DIAPH2: variants seen among roughly 807,000 people sequenced by gnomAD.
DIAPH2 encodes diaphanous related formin 2.
DIAPH2 carries 35 observed loss-of-function variants against 92.7 expected under a neutral mutation model. That is an observed-to-expected ratio of 0.38 (90% CI 0.29 to 0.50). The LOEUF (loss-of-function observed/expected upper bound fraction) is 0.50, where lower values mean the gene tolerates loss of function less well. Among genes scored for constraint, DIAPH2 ranks in the 20% least tolerant of loss-of-function variants. The probability of loss-of-function intolerance (pLI) is 0.94; values close to 1 mark genes in which losing one functional copy is unlikely to be tolerated. For missense variants in DIAPH2, 701 were observed against 819.5 expected (o/e 0.86, Z 1.77); for synonymous variants, 301 against 280.4 (o/e 1.07, Z -0.73).
chrX:97,326,313 T>G (rs2068950899), intron 23 of DIAPH2, among the ~76,000 whole-genome samples: 2 of 112,097 alleles, frequency 1.8e-5, no homozygotes, highest in African/African-American at 6.5e-5. Context: ...TGATTAGATT[T>G]AATAATGTTT....
intron 22 of DIAPH2, among the ~76,000 whole-genome samples, chrX:97,150,916 T>G (rs778158472): frequency 1.7e-4 from 19 of 112,244 alleles, no homozygotes; most frequent in African/African-American, 6.1e-4. Flanking sequence ...CTTGTTGCTT[T>G]CTTTATTCAA....
intron 23 of DIAPH2, among the ~76,000 whole-genome samples, chrX:97,270,457 A>C (rs2068377182): frequency 8.9e-6 from 1 of 112,085 alleles, no homozygotes; most frequent in Non-Finnish European, 1.9e-5. Context: ...ACTAAGTGGC[A>C]GACCTGAGTT....
intron 23 of DIAPH2, among the ~76,000 whole-genome samples, chrX:97,258,608 G>A (rs1398824497): frequency 2.0e-5 from 2 of 101,851 alleles, no homozygotes; most frequent in Non-Finnish European, 4.0e-5. Flanking sequence ...GGTGGCTCAC[G>A]CCTGTAATCC....
At chrX:97,497,649 T>C (rs1424769553) in intron 26 of DIAPH2, among the ~76,000 whole-genome samples, 1 of 110,340 alleles carries the variant, frequency 9.1e-6, no homozygotes, top group Non-Finnish European at 1.9e-5. Flanking sequence ...CTACTAAGAA[T>C]ACAAAAATTA....
chrX:97,373,153 G>A (rs1232212797), intron 24 of DIAPH2, among the ~76,000 whole-genome samples: 1 of 111,849 alleles, frequency 8.9e-6, no homozygotes, highest in Non-Finnish European at 1.9e-5. Context: ...AGCTATGTCA[G>A]TGTGACAAAT....
intron 5 of DIAPH2, chrX:96,885,236 T>C: frequency 2.0e-6 from 1 of 511,152 alleles, no homozygotes; most frequent in Non-Finnish European, 3.2e-6. Flanking sequence ...CTTTTCTAAC[T>C]GCTTTGAACT....
intron 4 of DIAPH2, among the ~76,000 whole-genome samples, chrX:96,775,353 T>TTTGTG (rs1327844367): frequency 1.1e-5 from 1 of 89,364 alleles, no homozygotes; most frequent in South Asian, 6.6e-4. Context: ...CAACGTGTGC[T>TTTGTG]TGTGTGTGTG....
intron 26 of DIAPH2, among the ~76,000 whole-genome samples, chrX:97,541,096 G>T (rs938501651): frequency 9.0e-6 from 1 of 111,417 alleles, no homozygotes; most frequent in African/African-American, 3.3e-5. Flanking sequence ...AATCACCCAT[G>T]CCTCATGGAT....
At chrX:97,016,510 T>G (rs1199557582) in intron 17 of DIAPH2, among the ~76,000 whole-genome samples, 1 of 112,361 alleles carries the variant, frequency 8.9e-6, no homozygotes, top group Admixed American at 9.4e-5. Context: ...TTACTGTGTC[T>G]GTATAAAACG....
At chrX:97,091,348 A>G (rs891704224) in intron 19 of DIAPH2, among the ~76,000 whole-genome samples, 1 of 111,139 alleles carries the variant, frequency 9.0e-6, no homozygotes, top group Admixed American at 9.6e-5. Context: ...CAGTGGTCCA[A>G]TCCTACGTCG....
intron 1 of DIAPH2, among the ~76,000 whole-genome samples, chrX:96,731,425 G>A (rs1258173838): frequency 1.8e-5 from 2 of 111,491 alleles, no homozygotes; most frequent in African/African-American, 3.3e-5. Context: ...CAAATAGTGC[G>A]AATACGTTTT....
chrX:96,832,803 T>C (rs1417431651), intron 4 of DIAPH2, among the ~76,000 whole-genome samples: 2 of 111,595 alleles, frequency 1.8e-5, no homozygotes, highest in East Asian at 5.5e-4. Context: ...TTTTCCCAAC[T>C]TGGAAATTCT....
intron 23 of DIAPH2, among the ~76,000 whole-genome samples, chrX:97,285,383 C>CAAAAAAAAAAAAAAAAAAA (rs11336007): frequency 2.6e-5 from 1 of 38,121 alleles, no homozygotes; most frequent in Non-Finnish European, 4.2e-5. Context: ...ACTAAAAATA[C>CAAAAAAAAAAAAAAAAAAA]AAAAAAAAAA....
rs1445102203 is a variant in DIAPH2, at chrX:97,453,297, CT to C, written c.3241+23561del. On this transcript the variant is annotated intron_variant, in intron 26 of 26. Transcript: ENST00000324765. ...CTTAAATTAGAAATTGAATTTGTTT[CT>C]TTTTTTTTGCTACCATAAATAATGC... Among the ~76,000 whole-genome samples the C allele has an allele frequency of 3.7e-5, 4 of 108,291 alleles. No homozygotes were observed. In the South Asian group the frequency reaches 1.2e-3, roughly 33 times the overall value. 94.0% of individuals were successfully genotyped at this position (108,291 alleles called of 115,157 possible).
At position 96,857,552 on chromosome X, in the gene DIAPH2, G is replaced by T. The variant is rs1293908775; in HGVS notation, c.448-24027G>T. On this transcript the variant is annotated intron_variant, in intron 4 of 26. Coordinates refer to ENST00000324765, the MANE Select transcript of DIAPH2 (RefSeq NM_006729.5). ...TGATATCAAGTGTCCATAGAAAAAC[G>T]CAGTATCCTTTAGGGGTACCAAGCT... 2.7e-5 allele frequency among the ~76,000 whole-genome samples: 3 copies of T among 112,387 alleles called. No individual in the cohort carries two copies. The East Asian group carries it at 8.3e-4, about 31-fold the overall frequency.
chrX:96,722,273 C>G (rs1450353329), intron 1 of DIAPH2, among the ~76,000 whole-genome samples: 1 of 110,414 alleles, frequency 9.1e-6, no homozygotes, highest in Non-Finnish European at 1.9e-5. Flanking sequence ...AGGAGAATTG[C>G]TTGAACCTGG....
chrX:96,883,539 C>G (rs1168646594), intron 5 of DIAPH2, among the ~76,000 whole-genome samples: 3 of 109,696 alleles, frequency 2.7e-5, no homozygotes. Context: ...CACCACCACG[C>G]CTGGCTAATT....
At chrX:97,483,843 G>A (rs1430900755) in intron 26 of DIAPH2, among the ~76,000 whole-genome samples, 1 of 111,431 alleles carries the variant, frequency 9.0e-6, no homozygotes, top group Non-Finnish European at 1.9e-5. Context: ...TAAATTTTCT[G>A]AGTTAAAACA....
chrX:97,363,131 C>A (rs2069341329), intron 24 of DIAPH2, among the ~76,000 whole-genome samples: 1 of 112,165 alleles, frequency 8.9e-6, no homozygotes, highest in Admixed American at 9.5e-5. Flanking sequence ...GTAACATTAT[C>A]TTCTGGAATA....
Sources: allele counts gnomAD v4.1 joint callset (sites outside exome capture counted in the v4.1 genomes callset), GRCh38; gene constraint gnomAD v4.1.1; transcripts MANE v1.5; gene names NCBI Gene and HGNC (gene_info 2026-07-23, HGNC 2026-07-21).